The following C1orf50 variants were observed in gnomAD, a reference collection of about 807,000 sequenced individuals.
C1orf50 encodes uncharacterized protein C1orf50.
Under a neutral mutation model 23.3 loss-of-function variants are expected in C1orf50, and 22 were observed. The observed-to-expected ratio is 0.94, with a 90% CI of 0.67 to 1.35. C1orf50 has a LOEUF of 1.35. Ranked by LOEUF, C1orf50 falls within the 40% of genes most tolerant of loss-of-function variation. C1orf50 has a pLI of 0.00. For synonymous variants in C1orf50, 96 were observed against 102.4 expected (o/e 0.94, Z 0.38); for missense variants, 271 against 249.4 (o/e 1.09, Z -0.58).
intron 4 of C1orf50, 109 bp from the exon 5 acceptor site, chr1:42,775,100 G>T: frequency 1.8e-6 from 2 of 1,101,658 alleles, no homozygotes; most frequent in Non-Finnish European, 1.3e-6. Context: ...AGGTTGTTCT[G>T]ACTAGTATGA....
At chr1:42,770,628 C>T (rs1653195888) in intron 2 of C1orf50, among the ~76,000 whole-genome samples, 1 of 152,164 alleles carries the variant, frequency 6.6e-6, no homozygotes, top group Admixed American at 6.5e-5. Flanking sequence ...GACAGGGTTT[C>T]TCCATGTTGG....
Position 42,775,470 on chromosome 1 carries a change from T to C in C1orf50, c.*76T>C. 8.1e-6 allele frequency: 11 copies of C among 1,357,536 alleles called. No individual in the cohort carries two copies. The South Asian group carries it at 1.5e-4, about 18-fold the overall frequency. The allele number at this position is 1,357,536 out of a possible 1,614,324, so 84.1% of individuals were successfully genotyped here. ...GTTGCCCCCACTGTTGCCTTGAGAATTGAAGACATGTAGGTGACTCACAAA... is the reference window on the plus strand; with the variant it reads ...GTTGCCCCCACTGTTGCCTTGAGAACTGAAGACATGTAGGTGACTCACAAA... On this transcript the variant is annotated 3_prime_UTR_variant, in exon 5 of 5. Transcript: ENST00000372525.
chr1:42,767,710 A>C (rs1161423294), intron 2 of C1orf50, 86 bp downstream of exon 2: 2 of 1,182,674 alleles, frequency 1.7e-6, no homozygotes, highest in Non-Finnish European at 2.4e-6. Flanking sequence ...ACTACCACCT[A>C]TGGTGGGGGT....
At chr1:42,768,518 C>G (rs1480587186) in intron 2 of C1orf50, among the ~76,000 whole-genome samples, 1 of 151,884 alleles carries the variant, frequency 6.6e-6, no homozygotes, top group African/African-American at 2.4e-5. Context: ...CAAATTCCCT[C>G]ACATCTCTTT....
Position 42,775,495 on chromosome 1 carries a change from A to G in C1orf50, c.*101A>G. ...TTGAAGACATGTAGGTGACTCACAA[A>G]CTTCTTGGAAAGAGACCCTGTGTGA... On this transcript the variant is annotated 3_prime_UTR_variant, in exon 5 of 5. Coordinates refer to ENST00000372525, the MANE Select transcript of C1orf50 (RefSeq NM_024097.4). The G allele has an allele frequency of 9.3e-7, 1 of 1,074,376 alleles. No homozygotes were observed. 66.6% of individuals were successfully genotyped at this position (1,074,376 alleles called of 1,614,324 possible). A position where few individuals can be genotyped will look rare whatever the true frequency, so the allele number is the denominator to read the frequency against.
chr1:42,772,011 A>G (rs1008389309), intron 2 of C1orf50, among the ~76,000 whole-genome samples: 1 of 151,840 alleles, frequency 6.6e-6, no homozygotes, highest in Non-Finnish European at 1.5e-5. Flanking sequence ...GAATTAATTT[A>G]CTATTAACGT....
rs777469819 is a variant in C1orf50, at chr1:42,778,099, G to A, written c.*2705G>A. ...AAGCCAGTTACCACACTTGGGAAGG[G>A]CTAGTGGCAATGTGAGGTGATTTGG... is the stretch of plus-strand genomic sequence containing the variant. On this transcript the variant is annotated 3_prime_UTR_variant, in exon 5 of 5. Transcript: ENST00000372525. 2 of 152,042 alleles carry A rather than the reference G, an allele frequency of 1.3e-5. No homozygotes were observed. Among genetic ancestry groups the A allele is most frequent in the Non-Finnish European group, 2.9e-5 (2 of 68,014 alleles). The allele number at this position is 152,042 out of a possible 1,614,324, so 9.4% of individuals were successfully genotyped here.
intron 2 of C1orf50, 136 bp downstream of exon 2, chr1:42,767,760 C>T: frequency 1.3e-6 from 1 of 777,568 alleles, no homozygotes; most frequent in Non-Finnish European, 2.1e-6. Flanking sequence ...CGAGTAAAGC[C>T]GACTGTCATT....
chr1:42,767,595 C>G lies in C1orf50; in HGVS notation c.166C>G (p.Leu56Val), dbSNP rs976320161. 2 of 1,611,938 alleles carry G rather than the reference C, an allele frequency of 1.2e-6. No homozygotes were observed. The highest frequency in any genetic ancestry group is 1.7e-6 in the Non-Finnish European group (2 of 1,179,564). Residue 56 changes from leucine to valine, a missense_variant, in exon 2 of 5, where the codon CTC (leucine) becomes GTC (valine). Transcript: ENST00000372525. ...HTHRAGDPLD[L>V]VALAEQVQKA... Reference sequence around the variant, plus strand: ...CCACCGGGCCGGGGACCCCTTAGACCTCGTGGCGCTCGCAGAGCAGGTGCA... The same window carrying G: ...CCACCGGGCCGGGGACCCCTTAGACGTCGTGGCGCTCGCAGAGCAGGTGCA...
chr1:42,776,114 A>G lies in C1orf50; in HGVS notation c.*720A>G, dbSNP rs1653336038. ...GAAGAGACATTGGATGCTGCCACTA[A>G]TCATTATAGAGTCCACTGTGTAGTC... On this transcript the variant is annotated 3_prime_UTR_variant, in exon 5 of 5. Coordinates refer to ENST00000372525, the MANE Select transcript of C1orf50 (RefSeq NM_024097.4). 6.6e-6 allele frequency: 1 copy of G among 152,118 alleles called. No homozygotes were observed. The highest frequency in any genetic ancestry group is 1.5e-5 in the Non-Finnish European group (1 of 68,036). 9.4% of individuals were successfully genotyped at this position (152,118 alleles called of 1,614,324 possible).
chr1:42,773,218 G>A (rs1004098693), intron 2 of C1orf50: 11 of 172,904 alleles, frequency 6.4e-5, no homozygotes, highest in Non-Finnish European at 9.9e-5. Flanking sequence ...TTGGAGGAGA[G>A]GATATATTCA....
At chr1:42,770,116 G>A (rs368838627) in intron 2 of C1orf50, among the ~76,000 whole-genome samples, 1 of 152,278 alleles carries the variant, frequency 6.6e-6, no homozygotes, top group East Asian at 1.9e-4. Flanking sequence ...TTGAGGCCAG[G>A]GTTAGTGCTT....
chr1:42,771,961 C>G (rs1653232939), intron 2 of C1orf50, among the ~76,000 whole-genome samples: 2 of 137,656 alleles, frequency 1.5e-5, no homozygotes, highest in South Asian at 2.4e-4. Flanking sequence ...CGTGACAGAG[C>G]GAGACTCTGC....
Position 42,767,645 on chromosome 1 carries a change from C to T in C1orf50, c.195+21C>T, listed in dbSNP as rs754446141. The T allele has an allele frequency of 3.2e-6, 5 of 1,581,772 alleles. No homozygotes were observed. The East Asian group carries it at 6.8e-5, about 21-fold the overall frequency. On this transcript the variant is annotated intron_variant, in intron 2 of 4. Transcript: ENST00000372525. ...AGAAGGTGAGGAGGCGCGGCCGGGG[C>T]AGCGAATAACCATCTTCGTTCACGT...
rs1653393765 is a variant in C1orf50 at position 42,778,991 on chromosome 1, C to CA, written c.*3598dup. 1.4e-5 allele frequency: 1 copy of CA among 70,986 alleles called. No individual in the cohort carries two copies. The highest frequency in any genetic ancestry group is 5.8e-5 in the African/African-American group (1 of 17,220). 4.4% of individuals were successfully genotyped at this position (70,986 alleles called of 1,614,324 possible). A position where few individuals can be genotyped will look rare whatever the true frequency, so the allele number is the denominator to read the frequency against. On this transcript the variant is annotated 3_prime_UTR_variant, in exon 5 of 5. Coordinates refer to ENST00000372525, the MANE Select transcript of C1orf50 (RefSeq NM_024097.4). ...GGTGTACTTCCCCCCCCCCCCCCCCCACATTTTGGTGTCTGTCAAACTTGG... is the reference window on the plus strand; with the variant it reads ...GGTGTACTTCCCCCCCCCCCCCCCCCAACATTTTGGTGTCTGTCAAACTTGG...
At chr1:42,773,706 C>A in intron 3 of C1orf50, 57 bp downstream of exon 3, 1 of 1,207,750 alleles carries the variant, frequency 8.3e-7, no homozygotes, top group South Asian at 1.3e-5. Flanking sequence ...TCAGGATTGG[C>A]TGAACTTGTT....
intron 3 of C1orf50, among the ~76,000 whole-genome samples, chr1:42,774,133 G>C (rs1192227272): frequency 6.6e-6 from 1 of 152,130 alleles, no homozygotes; most frequent in South Asian, 2.1e-4. Context: ...CATTTAACAG[G>C]GGATTATGTT....
At position 42,769,387 on chromosome 1, in the gene C1orf50, T is replaced by A. The variant is rs185249562; in HGVS notation, c.195+1763T>A. Among the ~76,000 whole-genome samples, 367 of 149,050 alleles carry A rather than the reference T, an allele frequency of 2.5e-3. 1 individual carries two copies. Among genetic ancestry groups the A allele is most frequent in the African/African-American group, 8.8e-3 (353 of 40,162 alleles). ...ATGTGAAACCCTGTCTCTACTAAAA[T>A]ACAAAAAATTAGCCGGGCATGGTGG... On this transcript the variant is annotated intron_variant, in intron 2 of 4. Coordinates refer to ENST00000372525, the MANE Select transcript of C1orf50 (RefSeq NM_024097.4).
intron 4 of C1orf50, 127 bp from the exon 5 acceptor site, chr1:42,775,082 C>T (rs529415620): frequency 6.0e-6 from 6 of 992,614 alleles, no homozygotes; most frequent in Middle Eastern, 2.6e-4. Context: ...AAGGTAACTG[C>T]GTTCCAAAGG....
Sources: gnomAD v4.1 joint callset for allele counts (sites outside exome capture counted in the v4.1 genomes callset) on GRCh38, gnomAD v4.1.1 for gene constraint, MANE v1.5 for transcripts, NCBI Gene and HGNC (gene_info 2026-07-23, HGNC 2026-07-21) for gene names.